NUMA1: variants seen among roughly 807,000 people sequenced by gnomAD.
NUMA1 encodes the protein nuclear mitotic apparatus protein 1, also known as SP-H antigen.
In NUMA1, 62 loss-of-function variants were observed where a neutral mutation model predicts 237.1. The ratio of observed to expected loss-of-function variants is 0.26; its 90% CI spans 0.21 to 0.32. The LOEUF is 0.32. NUMA1 is among the 10% of genes least tolerant of loss of function. NUMA1 has a pLI of 1.00. For missense variants in NUMA1, 2,533 were observed against 2,666.5 expected (o/e 0.95, Z 1.10); for synonymous variants, 1,028 against 1,066.1 (o/e 0.96, Z 0.70).
intron 6 of NUMA1, 91 bp downstream of exon 6, chr11:72,022,973 TC>T: frequency 1.2e-6 from 1 of 840,810 alleles, no homozygotes. Flanking sequence ...ACCCATCATC[TC>T]CCCTTGGGTT....
intron 1 of NUMA1, among the ~76,000 whole-genome samples, chr11:72,070,246 T>C (rs1045767911): frequency 1.3e-4 from 20 of 152,180 alleles, no homozygotes; most frequent in African/African-American, 4.6e-4. Flanking sequence ...TTCAAGTGTC[T>C]CTCCTCCTGC....
chr11:72,009,954 T>C (rs1956034442), intron 17 of NUMA1, among the ~76,000 whole-genome samples: 1 of 152,232 alleles, frequency 6.6e-6, no homozygotes, highest in Admixed American at 6.5e-5. Context: ...CACTGCCTCC[T>C]GTCCAGACCA....
intron 2 of NUMA1, chr11:72,042,098 C>T (rs1162022403): frequency 6.6e-6 from 1 of 152,282 alleles, no homozygotes; most frequent in Non-Finnish European, 1.5e-5. Context: ...GACGCAGGCA[C>T]GGGGACTTGT....
chr11:72,055,973 C>T (rs61889181), intron 2 of NUMA1, among the ~76,000 whole-genome samples: 22 of 4,430 alleles, frequency 5.0e-3, no homozygotes, highest in Non-Finnish European at 0.014. Flanking sequence ...CATACACACA[C>T]ACACACACAC....
chr11:72,056,986 AAATG>A (rs912421491), intron 2 of NUMA1, among the ~76,000 whole-genome samples: 20 of 152,212 alleles, frequency 1.3e-4, no homozygotes, highest in African/African-American at 3.9e-4. Flanking sequence ...GAGATAACAA[AAATG>A]TGAAAAAAAA....
chr11:72,038,571 A>G (rs1175292836), intron 2 of NUMA1, among the ~76,000 whole-genome samples: 5 of 152,070 alleles, frequency 3.3e-5, no homozygotes, highest in South Asian at 2.1e-4. Context: ...AGTCTTCTAC[A>G]TTGGGACTAT....
rs976400209 is a variant in NUMA1 at position 72,018,941 on chromosome 11, G to A, written c.624C>T (p.Ile208=). ...SGSPASPMGD[I]LQTPQFQMRR... ...TCATCTGGAACTGTGGGGTCTGCAGGATATCACCCATGGGAGAAGCTGGAG... is the reference window on the plus strand; with the variant it reads ...TCATCTGGAACTGTGGGGTCTGCAGAATATCACCCATGGGAGAAGCTGGAG... The change falls in exon 10 of 27, where the codon ATC becomes ATT. Residue 208 remains isoleucine (I), a synonymous_variant. Coordinates refer to ENST00000393695, the MANE Select transcript of NUMA1 (RefSeq NM_006185.4). The A allele has an allele frequency of 1.2e-6, 2 of 1,613,948 alleles. No homozygotes were observed. The highest frequency in any genetic ancestry group is 1.3e-5 in the African/African-American group (1 of 74,884).
chr11:72,003,793 C>G (rs1014021516), intron 26 of NUMA1, 94 bp downstream of exon 26: 8 of 1,318,090 alleles, frequency 6.1e-6, no homozygotes, highest in African/African-American at 1.5e-5. Context: ...AGCAGCCTGG[C>G]GTGGCCCCAT....
At position 72,014,335 on chromosome 11, in the gene NUMA1, C is replaced by T; in HGVS notation, c.3168G>A (p.Leu1056=). The change falls in exon 15 of 27, where the codon CTG becomes CTA. Residue 1056 remains leucine, a synonymous_variant. Coordinates refer to ENST00000393695, the MANE Select transcript of NUMA1 (RefSeq NM_006185.4). The surrounding 1 kb of genome is among the most constrained non-coding windows in gnomAD (Gnocchi z 4.6). ...CCTGGTCCTTGCCTTCCTTTTCCGTCAGGGCATGAGCCAGTGCCTCTTGCA... is the reference window on the plus strand; with the variant it reads ...CCTGGTCCTTGCCTTCCTTTTCCGTTAGGGCATGAGCCAGTGCCTCTTGCA... The part of the protein sequence containing the change: ...ATLQEALAHA[L]TEKEGKDQEL... 6.2e-7 allele frequency: 1 copy of T among 1,613,842 alleles called. No homozygotes were observed. Among genetic ancestry groups the T allele is most frequent in the East Asian group, 2.2e-5 (1 of 44,886 alleles).
Position 72,013,722 on chromosome 11 carries a change from TCTC to T in NUMA1, c.3778_3780del (p.Glu1260del). On this transcript the variant is annotated inframe_deletion, in exon 15 of 27. Coordinates refer to ENST00000393695, the MANE Select transcript of NUMA1 (RefSeq NM_006185.4). This position sits in a 1 kb window ranked among gnomAD's most constrained non-coding sequence, Gnocchi z 6.8. ...AGCCTCTCCTCCAGCTTCTGGCTCT[TCTC>T]TGACTCGGCCATCACCAGCCGCTTC... 6.2e-7 allele frequency: 1 copy of T among 1,609,760 alleles called. No individual in the cohort carries two copies. The highest frequency in any genetic ancestry group is 8.5e-7 in the Non-Finnish European group (1 of 1,179,980).
At position 72,014,524 on chromosome 11, in the gene NUMA1, C is replaced by A; in HGVS notation, c.2979G>T (p.Gly993=). 6.2e-7 allele frequency: 1 copy of A among 1,602,012 alleles called. No individual in the cohort carries two copies. Among genetic ancestry groups the A allele is most frequent in the Non-Finnish European group, 8.5e-7 (1 of 1,179,882 alleles). ...GCTGCCCACGCTCCTCCTGCTGCTG[C>A]CCCTGGCTCTCCATCAGCGCGGCCC... is the stretch of plus-strand genomic sequence containing the variant. ...RLRAALMESQ[G]QQQEERGQQE... Residue 993 remains glycine (G), a synonymous_variant, in exon 15 of 27, where the codon GGG becomes GGT. Coordinates refer to ENST00000393695, the MANE Select transcript of NUMA1 (RefSeq NM_006185.4). The surrounding 1 kb of genome is among the most constrained non-coding windows in gnomAD (Gnocchi z 4.6).
rs757631761 is a variant in NUMA1 at position 72,005,219 on chromosome 11, A to G, written c.5829+14T>C. On this transcript the variant is annotated intron_variant, in intron 23 of 26. Transcript: ENST00000393695. Reference sequence around the variant, plus strand: ...CAGGGATGGGAGGCCCTGCACAGTGACCCCAGGCCTCACCCTGGACTCCAG... The same window carrying G: ...CAGGGATGGGAGGCCCTGCACAGTGGCCCCAGGCCTCACCCTGGACTCCAG... The G allele has an allele frequency of 6.4e-7, 1 of 1,572,888 alleles. No homozygotes were observed. The highest frequency in any genetic ancestry group is 1.4e-5 in the African/African-American group (1 of 72,324).
rs71052849 is a variant in NUMA1 at position 72,073,048 on chromosome 11, CAAAAAA to C, written c.-102-3143_-102-3138del. On this transcript the variant is annotated intron_variant, in intron 1 of 26. Coordinates refer to ENST00000393695, the MANE Select transcript of NUMA1 (RefSeq NM_006185.4). Reference sequence around the variant, plus strand: ...GGTGACACAGAGCGAGACTCCGTCTCAAAAAAAAAAAAAAAAAAAAGCTGCCTAGGC... The same window carrying C: ...GGTGACACAGAGCGAGACTCCGTCTCAAAAAAAAAAAAAAGCTGCCTAGGC... 5.1e-4 allele frequency among the ~76,000 whole-genome samples: 20 copies of C among 38,978 alleles called. 1 individual carries two copies. In the South Asian group the frequency reaches 0.034, roughly 65 times the overall value. 25.6% of individuals were successfully genotyped at this position (38,978 alleles called of 152,430 possible).
At chr11:72,009,213 G>C in intron 18 of NUMA1, 28 bp from the exon 19 acceptor site, 2 of 406,054 alleles carry the variant, frequency 4.9e-6, no homozygotes, top group Non-Finnish European at 5.1e-6. Flanking sequence ...GGGTGGGTGG[G>C]GTAGAGGTTG....
rs1955353274 is a variant in NUMA1 at position 72,002,878 on chromosome 11, T to C, written c.*649A>G. 4 of 221,034 alleles carry C rather than the reference T, an allele frequency of 1.8e-5. No individual in the cohort carries two copies. In the East Asian group the frequency reaches 2.0e-4, roughly 11 times the overall value. 13.7% of individuals were successfully genotyped at this position (221,034 alleles called of 1,614,324 possible). On this transcript the variant is annotated 3_prime_UTR_variant, in exon 27 of 27. Transcript: ENST00000393695. ...CAACTCAGTACTCACGGGAGAAAAA[T>C]AGACTTTATTTACAAGTAATAACAT...
At chr11:72,031,437 A>G (rs1252330981) in intron 3 of NUMA1, among the ~76,000 whole-genome samples, 1 of 152,254 alleles carries the variant, frequency 6.6e-6, no homozygotes, top group African/African-American at 2.4e-5. Context: ...GAGGATTTTT[A>G]AAAATCAATG....
chr11:72,043,071 T>C (rs192485812), intron 2 of NUMA1, among the ~76,000 whole-genome samples: 4 of 152,036 alleles, frequency 2.6e-5, no homozygotes, highest in Admixed American at 6.6e-5. Flanking sequence ...GTGAGAGACA[T>C]TGTGGAGACA....
At chr11:72,075,843 AG>A (rs754966443) in intron 1 of NUMA1, among the ~76,000 whole-genome samples, 2 of 152,310 alleles carry the variant, frequency 1.3e-5, no homozygotes, top group Non-Finnish European at 2.9e-5. Context: ...CAAATTAGTG[AG>A]GAGGATTAGC....
chr11:72,005,384 G>C lies in NUMA1; in HGVS notation c.5693-15C>G. The C allele has an allele frequency of 6.2e-7, 1 of 1,601,132 alleles. No individual in the cohort carries two copies. Among genetic ancestry groups the C allele is most frequent in the Non-Finnish European group, 8.5e-7 (1 of 1,174,838 alleles). On this transcript the variant is annotated splice_polypyrimidine_tract_variant and intron_variant, in intron 22 of 26. Transcript: ENST00000393695. Reference sequence around the variant, plus strand: ...GCTGTTCCTTCCTGTGGAAGGCAGGGAAGTGGGAACAAATGAGCCTGGAGT... The same window carrying C: ...GCTGTTCCTTCCTGTGGAAGGCAGGCAAGTGGGAACAAATGAGCCTGGAGT...
Sources: allele counts gnomAD v4.1 joint callset (sites outside exome capture counted in the v4.1 genomes callset), GRCh38; gene constraint gnomAD v4.1.1; non-coding constraint Gnocchi (gnomAD v3.1); transcripts MANE v1.5; gene names NCBI Gene and HGNC (gene_info 2026-07-23, HGNC 2026-07-21).